PHF24: variants seen among roughly 807,000 people sequenced by gnomAD.
PHF24 encodes the protein Galpha inhibitory interacting protein.
PHF24 carries 25 observed loss-of-function variants against 42.6 expected under a neutral mutation model. The ratio of observed to expected loss-of-function variants is 0.59; its 90% CI spans 0.43 to 0.82. PHF24 has a LOEUF of 0.82. PHF24 is among the 40% of genes least tolerant of loss of function. The pLI, the probability that PHF24 is intolerant of heterozygous loss-of-function variation, is 0.00. For missense variants in PHF24, 470 were observed against 538.1 expected (o/e 0.87, Z 1.25); for synonymous variants, 185 against 204.8 (o/e 0.90, Z 0.83).
the PHF24 span, among the ~76,000 whole-genome samples, chr9:34,848,579 G>GT: frequency 6.6e-6 from 1 of 151,832 alleles, no homozygotes; most frequent in African/African-American, 2.4e-5. Context: ...TTTTTGAAGG[G>GT]TTTTTTGTGT....
upstream of PHF24, among the ~76,000 whole-genome samples, chr9:34,954,298 C>A (rs749046442): frequency 5.3e-5 from 8 of 152,190 alleles, no homozygotes; most frequent in Non-Finnish European, 8.8e-5. Flanking sequence ...AGGCTCTTTG[C>A]TTCTGTGTTT....
chr9:34,676,477 T>A, the PHF24 span, among the ~76,000 whole-genome samples: 1 of 152,132 alleles, frequency 6.6e-6, no homozygotes, highest in Admixed American at 6.6e-5. Context: ...GAGCCATGAT[T>A]ATGCCACTGC....
chr9:34,977,607 G>A (rs768314962), exon 7 of PHF24: 1 of 1,607,268 alleles, frequency 6.2e-7, no homozygotes, highest in Non-Finnish European at 8.5e-7. Flanking sequence ...CAAGAGTCAG[G>A]ACAAGACCCT....
chr9:34,799,807 C>T, the PHF24 span, among the ~76,000 whole-genome samples: 2 of 152,136 alleles, frequency 1.3e-5, no homozygotes, highest in Admixed American at 1.3e-4. Flanking sequence ...TATAGGACTT[C>T]TGTGTGGGGA....
chr9:34,909,578 A>G, the PHF24 span, among the ~76,000 whole-genome samples: 12 of 151,542 alleles, frequency 7.9e-5, no homozygotes, highest in African/African-American at 2.9e-4. Flanking sequence ...TACAGAGACT[A>G]CTTTGTTCTT....
chr9:34,694,091 C>T, the PHF24 span, among the ~76,000 whole-genome samples: 1 of 148,794 alleles, frequency 6.7e-6, no homozygotes. Context: ...AAGTGGTCTA[C>T]AGATTGAGGC....
At chr9:34,709,389 C>G in the PHF24 span, 2 of 1,606,654 alleles carry the variant, frequency 1.2e-6, no homozygotes, top group African/African-American at 2.7e-5. Flanking sequence ...AGGCTGCTCA[C>G]TGGGCTATGG....
rs1158745245 is a variant in PHF24 at position 34,971,435 on chromosome 9, G to T, written c.137G>T (p.Gly46Val). The T allele has an allele frequency of 2.3e-5, 37 of 1,614,048 alleles. No homozygotes were observed. Among genetic ancestry groups the T allele is most frequent in the African/African-American group, 5.3e-5 (4 of 74,908 alleles). Reference sequence around the variant, plus strand: ...GGTGAGCTGCCAGGGTCCCGCCGTGGCACTGTAGAGGGCTCCGTCCAGGAG... The same window carrying T: ...GGTGAGCTGCCAGGGTCCCGCCGTGTCACTGTAGAGGGCTCCGTCCAGGAG... The change falls in exon 2 of 8, where the codon GGC becomes GTC. Residue 46 changes from glycine (G) to valine (V), a missense_variant. Coordinates refer to ENST00000242315, the Ensembl canonical transcript of PHF24.
the PHF24 span, among the ~76,000 whole-genome samples, chr9:34,838,029 C>T: frequency 1.3e-5 from 2 of 152,196 alleles, no homozygotes; most frequent in East Asian, 3.9e-4. Flanking sequence ...TTATAAACAC[C>T]TTAAAGGGCC....
At chr9:34,693,760 T>C in the PHF24 span, among the ~76,000 whole-genome samples, 12 of 152,320 alleles carry the variant, frequency 7.9e-5, no homozygotes, top group East Asian at 2.1e-3. Context: ...AAGAAGTTCA[T>C]TACGCCTGGC....
chr9:34,731,292 A>G, the PHF24 span, among the ~76,000 whole-genome samples: 1 of 152,182 alleles, frequency 6.6e-6, no homozygotes, highest in Admixed American at 6.5e-5. Context: ...CATTCCAATT[A>G]TACTTCTAGT....
the PHF24 span, among the ~76,000 whole-genome samples, chr9:34,943,195 G>T: frequency 2.6e-5 from 4 of 151,914 alleles, no homozygotes; most frequent in Non-Finnish European, 4.4e-5. Flanking sequence ...CTGTTTTTTT[G>T]TTTGTTTGTT....
chr9:34,899,541 AC>A, the PHF24 span, among the ~76,000 whole-genome samples: 1 of 152,184 alleles, frequency 6.6e-6, no homozygotes, highest in Admixed American at 6.5e-5. Flanking sequence ...GGTGCCGGGG[AC>A]AGAGGTGCAT....
At chr9:34,753,015 A>T in the PHF24 span, among the ~76,000 whole-genome samples, 191 of 152,268 alleles carry the variant, frequency 1.3e-3, 3 homozygotes, top group South Asian at 0.039. Context: ...AATACTGCAT[A>T]TAGAAGGAAC....
chr9:34,870,030 G>A, the PHF24 span, among the ~76,000 whole-genome samples: 1 of 151,906 alleles, frequency 6.6e-6, no homozygotes, highest in African/African-American at 2.4e-5. Flanking sequence ...TCAGGTATTT[G>A]TTTTTGTTGT....
chr9:34,914,493 ATATC>A, the PHF24 span, among the ~76,000 whole-genome samples: 1 of 152,002 alleles, frequency 6.6e-6, no homozygotes, highest in Non-Finnish European at 1.5e-5. Flanking sequence ...TTTGGTCTCT[ATATC>A]TATCGTCTTC....
upstream of PHF24, among the ~76,000 whole-genome samples, chr9:34,954,099 C>T (rs575779427): frequency 1.3e-5 from 2 of 152,222 alleles, no homozygotes; most frequent in South Asian, 4.1e-4. Flanking sequence ...AGCATGAGCC[C>T]AGGAGTTTGA....
chr9:34,975,882 C>T (rs578161050), intron 3 of PHF24, among the ~76,000 whole-genome samples: 1 of 152,076 alleles, frequency 6.6e-6, no homozygotes, highest in South Asian at 2.1e-4. Context: ...TAGGTTAGCT[C>T]AGAGGAGAAA....
At chr9:34,731,852 G>GT in the PHF24 span, among the ~76,000 whole-genome samples, 27 of 150,412 alleles carry the variant, frequency 1.8e-4, no homozygotes, top group South Asian at 4.2e-4. Context: ...GTATTTTTAG[G>GT]TTTTTTTTTC....
Sources: allele counts gnomAD v4.1 joint callset (sites outside exome capture counted in the v4.1 genomes callset), GRCh38; gene constraint gnomAD v4.1.1; transcripts MANE v1.5; gene names NCBI Gene and HGNC (gene_info 2026-07-23, HGNC 2026-07-21).